Variants in TERT observed in about 807,000 individuals in gnomAD.
TERT encodes telomerase reverse transcriptase, also known as telomerase catalytic subunit.
Under a neutral mutation model 104.0 loss-of-function variants are expected in TERT, and 42 were observed. The observed-to-expected ratio is 0.40, with a 90% confidence interval of 0.32 to 0.52. The LOEUF is 0.52. Ranked by LOEUF, TERT falls within the 20% of genes least tolerant of loss-of-function variation. The pLI, the probability that TERT is intolerant of heterozygous loss-of-function variation, is 0.43. For synonymous variants in TERT, 781 were observed against 725.6 expected (o/e 1.08, Z -1.23); for missense variants, 1,101 against 1,610.3 (o/e 0.68, Z 5.41).
In TERT at chr5:1,293,730, A is replaced by G; in HGVS notation, c.1156T>C (p.Tyr386His). The change falls in exon 2 of 16, where the codon TAC (tyrosine) becomes CAC (histidine). Residue 386 changes from tyrosine to histidine, a missense_variant. Coordinates refer to ENST00000310581, the MANE Select transcript of TERT (RefSeq NM_198253.3). Reference protein sequence around the residue: ...PRRLPRLPQRYWQMRPLFLEL... With the variant: ...PRRLPRLPQRHWQMRPLFLEL... ...AGAAACAGGGGCCGCATTTGCCAGT[A>G]GCGCTGGGGCAGGCGGGGCAACCTG... is the stretch of plus-strand genomic sequence containing the variant. 6.4e-7 allele frequency: 1 copy of G among 1,570,006 alleles called. No homozygotes were observed. Among genetic ancestry groups the G allele is most frequent in the Non-Finnish European group, 8.6e-7 (1 of 1,157,946 alleles).
At chr5:1,264,651 T>C (rs1748471183) in intron 10 of TERT, 59 bp from the exon 11 acceptor site, 24 of 1,584,588 alleles carry the variant, frequency 1.5e-5, no homozygotes, top group East Asian at 2.2e-5. Context: ...GGAGGTAACC[T>C]GACACCCTTG....
Position 1,279,486 on chromosome 5 carries a change from T to C in TERT, c.1951-16A>G. 6.5e-7 allele frequency: 1 copy of C among 1,548,134 alleles called. No homozygotes were observed. On this transcript the variant is annotated splice_polypyrimidine_tract_variant and intron_variant, in intron 4 of 15. Transcript: ENST00000310581. Reference sequence around the variant, plus strand: ...GACGCTCGGCCTGGCGGGGACAGCATGGGAGACAGTCAGGAAAGTGGATCC... The same window carrying C: ...GACGCTCGGCCTGGCGGGGACAGCACGGGAGACAGTCAGGAAAGTGGATCC...
rs181874314 is a variant in TERT at position 1,255,040 on chromosome 5, C to T, written c.3157+247G>A. On this transcript the variant is annotated intron_variant, in intron 14 of 15. Transcript: ENST00000310581. This position sits in a 1 kb window ranked among gnomAD's most constrained non-coding sequence, Gnocchi z 6.9. ...GGGCAAACAGGAGAGACCAGGCCCC[C>T]CAGCGCTTCCCCAGGCAGAGCAAGG... Among the ~76,000 whole-genome samples the T allele has an allele frequency of 6.6e-5, 10 of 152,320 alleles. No homozygotes were observed. The East Asian group carries it at 1.9e-3, about 29-fold the overall frequency.
rs2126584533 is a variant in TERT at position 1,260,533 on chromosome 5, G to A, written c.2911C>T (p.Arg971Cys). 1.9e-6 allele frequency: 3 copies of A among 1,614,182 alleles called. No homozygotes were observed. The highest frequency in any genetic ancestry group is 1.1e-5 in the South Asian group (1 of 91,086). ...NRGFKAGRNM[R>C]RKLFGVLRLK... ...CGCAAGACCCCAAAGAGTTTGCGAC[G>A]CATGTTCCTCCCAGCCTTGAAGCCG... Residue 971 changes from arginine (R) to cysteine (C), a missense_variant, in exon 12 of 16, where the codon CGT (arginine) becomes TGT (cysteine). By Grantham distance (180) the Arg-to-Cys change is radical. Coordinates refer to ENST00000310581, the MANE Select transcript of TERT (RefSeq NM_198253.3).
At chr5:1,267,393 A>G (rs1748684957) in intron 9 of TERT, among the ~76,000 whole-genome samples, 1 of 152,222 alleles carries the variant, frequency 6.6e-6, no homozygotes, top group Admixed American at 6.5e-5. Context: ...GTGGGAGTGT[A>G]AACTAGTTCA....
At chr5:1,284,676 C>T (rs564306658) in intron 2 of TERT, among the ~76,000 whole-genome samples, 296 of 143,792 alleles carry the variant, frequency 2.1e-3, no homozygotes, top group Middle Eastern at 8.4e-3. Context: ...CAGCTCACAG[C>T]AGGGCCTGGC....
chr5:1,265,416 A>G lies in TERT; in HGVS notation c.2655-824T>C, dbSNP rs545929348. Among the ~76,000 whole-genome samples, 1 of 152,234 alleles carries G rather than the reference A, an allele frequency of 6.6e-6. No homozygotes were observed. Among genetic ancestry groups the G allele is most frequent in the South Asian group, 2.1e-4 (1 of 4,818 alleles). On this transcript the variant is annotated intron_variant, in intron 10 of 15. Transcript: ENST00000310581. This position sits in a 1 kb window ranked among gnomAD's most constrained non-coding sequence, Gnocchi z 6.9. ...GAGTTCTGCCCCCGGTGGGACCCCA[A>G]CATACACTCTGAGCCACCTCCCTGG...
At chr5:1,291,750 G>A (rs1311711335) in intron 2 of TERT, among the ~76,000 whole-genome samples, 5 of 151,120 alleles carry the variant, frequency 3.3e-5, no homozygotes, top group African/African-American at 4.9e-5. Flanking sequence ...CACCCTGCAC[G>A]TGACAGGGAC....
chr5:1,258,731 A>C, intron 12 of TERT, 72 bp from the exon 13 acceptor site: 1 of 1,281,914 alleles, frequency 7.8e-7, no homozygotes, highest in South Asian at 1.3e-5. Flanking sequence ...TTTTTGCTTT[A>C]TCATCCATTC....
Position 1,255,381 on chromosome 5 carries a change from A to G in TERT, c.3063T>C (p.Phe1021=), listed in dbSNP as rs1554038261. 1 of 1,614,238 alleles carries G rather than the reference A, an allele frequency of 6.2e-7. No homozygotes were observed. Among genetic ancestry groups the G allele is most frequent in the Admixed American group, 1.7e-5 (1 of 60,034 alleles). Residue 1021 remains phenylalanine (F), a synonymous_variant, in exon 14 of 16, where the codon TTT becomes TTC. Coordinates refer to ENST00000310581, the MANE Select transcript of TERT (RefSeq NM_198253.3). This position sits in a 1 kb window ranked among gnomAD's most constrained non-coding sequence, Gnocchi z 6.9. Reference sequence around the variant, plus strand: ...TGGGGTTCTTCCAAACTTGCTGATGAAATGGGAGCTGCAGCACACATGCGT... The same window carrying G: ...TGGGGTTCTTCCAAACTTGCTGATGGAATGGGAGCTGCAGCACACATGCGT... ...RFHACVLQLP[F]HQQVWKNPTF...
rs1749017243 is a variant in TERT at position 1,271,308 on chromosome 5, G to A, written c.2383-104C>T. The stretch of plus-strand genomic sequence containing the variant: ...CGTCCCTTTTGGGGTCAGTGTTTGT[G>A]ATGAAGTGCGGGGCTGGGCTGGAAT... On this transcript the variant is annotated intron_variant, in intron 7 of 15. Coordinates refer to ENST00000310581, the MANE Select transcript of TERT (RefSeq NM_198253.3). 1.1e-5 allele frequency: 9 copies of A among 820,142 alleles called. No homozygotes were observed. In the Admixed American group the frequency reaches 1.6e-4, roughly 14 times the overall value. The allele number at this position is 820,142 out of a possible 1,614,324, so 50.8% of individuals were successfully genotyped here.
chr5:1,280,412 A>G, intron 3 of TERT, 74 bp from the exon 4 acceptor site: 2 of 1,522,506 alleles, frequency 1.3e-6, no homozygotes, highest in East Asian at 2.4e-5. Flanking sequence ...GGAAGCCACA[A>G]GCCCCCACCG....
rs1748532584 is a variant in TERT at position 1,265,557 on chromosome 5, G to A, written c.2654+907C>T. On this transcript the variant is annotated intron_variant, in intron 10 of 15. Transcript: ENST00000310581. This position sits in a 1 kb window ranked among gnomAD's most constrained non-coding sequence, Gnocchi z 6.9. Reference sequence around the variant, plus strand: ...CTTGGGACCTGGGCTCCCCCCGAGTGAATCTTAGTGGATTTAAATGTGCAC... The same window carrying A: ...CTTGGGACCTGGGCTCCCCCCGAGTAAATCTTAGTGGATTTAAATGTGCAC... 6.6e-6 allele frequency among the ~76,000 whole-genome samples: 1 copy of A among 152,058 alleles called. No homozygotes were observed. Among genetic ancestry groups the A allele is most frequent in the Non-Finnish European group, 1.5e-5 (1 of 67,990 alleles).
At chr5:1,285,481 G>A (rs1750416695) in intron 2 of TERT, among the ~76,000 whole-genome samples, 1 of 151,858 alleles carries the variant, frequency 6.6e-6, no homozygotes, top group Admixed American at 6.6e-5. Flanking sequence ...AAATGATGAG[G>A]TGTGGACATG....
intron 2 of TERT, among the ~76,000 whole-genome samples, chr5:1,290,323 G>A (rs1750809743): frequency 1.6e-5 from 1 of 64,470 alleles, no homozygotes; most frequent in South Asian, 3.5e-4. Context: ...CACCCTACAC[G>A]TGACAGGGAC....
chr5:1,289,314 C>T (rs182999344), intron 2 of TERT, among the ~76,000 whole-genome samples: 1 of 143,360 alleles, frequency 7.0e-6, no homozygotes, highest in African/African-American at 2.6e-5. Context: ...TCACCCTACA[C>T]GTGACAGAGA....
rs1470764216 is a variant in TERT at position 1,287,192 on chromosome 5, A to G, written c.1574-4568T>C. The stretch of plus-strand genomic sequence containing the variant: ...GCTGTTAACAGGACATACCCACACT[A>G]TAAGAATATAAAAGTGTTGAAAATT... On this transcript the variant is annotated intron_variant, in intron 2 of 15. Transcript: ENST00000310581. This position sits in a 1 kb window ranked among gnomAD's most constrained non-coding sequence, Gnocchi z 4.3. Among the ~76,000 whole-genome samples, 1 of 152,082 alleles carries G rather than the reference A, an allele frequency of 6.6e-6. No individual in the cohort carries two copies. Among genetic ancestry groups the G allele is most frequent in the Non-Finnish European group, 1.5e-5 (1 of 68,016 alleles).
rs1749228275 is a variant in TERT at position 1,273,104 on chromosome 5, G to GATCA, written c.2287-825_2287-824insTGAT. Among the ~76,000 whole-genome samples, 5 of 82,428 alleles carry GATCA rather than the reference G, an allele frequency of 6.1e-5. 1 individual carries two copies. The highest frequency in any genetic ancestry group is 9.3e-5 in the Non-Finnish European group (4 of 43,070). The allele number at this position is 82,428 out of a possible 152,430, so 54.1% of individuals were successfully genotyped here. On this transcript the variant is annotated intron_variant, in intron 6 of 15. Coordinates refer to ENST00000310581, the MANE Select transcript of TERT (RefSeq NM_198253.3). ...TCACCACACATCAGACCCCACAACC[G>GATCA]CCATCCACAGTCACCACACATCAGA...
intron 3 of TERT, among the ~76,000 whole-genome samples, chr5:1,280,630 C>T (rs1363214779): frequency 1.3e-5 from 2 of 152,182 alleles, no homozygotes; most frequent in Non-Finnish European, 2.9e-5. Context: ...GGAGCCTGGT[C>T]CCAGGCTGCA....
Sources: gnomAD v4.1 joint callset for allele counts (sites outside exome capture counted in the v4.1 genomes callset) on GRCh38, gnomAD v4.1.1 for gene constraint, Gnocchi (gnomAD v3.1) non-coding constraint, MANE v1.5 for transcripts, NCBI Gene and HGNC (gene_info 2026-07-23, HGNC 2026-07-21) for gene names.